The following KIRREL3 variants were observed in gnomAD, a reference collection of about 807,000 sequenced individuals.
KIRREL3 encodes kirre like nephrin family adhesion molecule 3.
In KIRREL3, 36 loss-of-function variants were observed where a neutral mutation model predicts 89.7. The ratio of observed to expected loss-of-function variants is 0.40; its 90% confidence interval spans 0.31 to 0.53. The LOEUF is 0.53. Among genes scored for constraint, KIRREL3 ranks in the 20% least tolerant of loss-of-function variants. The pLI is 0.49. For synonymous variants in KIRREL3, 445 were observed against 441.4 expected (o/e 1.01, Z -0.10); for missense variants, 864 against 1,056.6 (o/e 0.82, Z 2.53).
rs895826129 is a variant in KIRREL3 at position 126,969,204 on chromosome 11, C to T, written c.55+31251G>A. ...CTGGGGCAAAAGAGTCCGTAGATAC[C>T]GCAGTCAAGGGGCGATTCACTCCAT... On this transcript the variant is annotated intron_variant, in intron 1 of 16. Transcript: ENST00000525144. This position sits in a 1 kb window ranked among gnomAD's most constrained non-coding sequence, Gnocchi z 4.9. Among the ~76,000 whole-genome samples the T allele has an allele frequency of 1.3e-5, 2 of 152,072 alleles. No homozygotes were observed. The highest frequency in any genetic ancestry group is 2.9e-5 in the Non-Finnish European group (2 of 68,008).
At position 126,676,062 on chromosome 11, in the gene KIRREL3, A is replaced by G. The variant is rs1946174632; in HGVS notation, c.56-113150T>C. On this transcript the variant is annotated intron_variant, in intron 1 of 16. Transcript: ENST00000525144. The surrounding 1 kb of genome is among the most constrained non-coding windows in gnomAD (Gnocchi z 4.5). ...GTAGGAGGGAGAAGTTTGAGAAAGG[A>G]AGAGGATGCCAGGTCCAGTTTGGGA... is the stretch of plus-strand genomic sequence containing the variant. Among the ~76,000 whole-genome samples the G allele has an allele frequency of 6.6e-6, 1 of 152,146 alleles. No homozygotes were observed. Among genetic ancestry groups the G allele is most frequent in the South Asian group, 2.1e-4 (1 of 4,816 alleles).
At position 126,454,130 on chromosome 11, in the gene KIRREL3, G is replaced by A. The variant is rs556418164; in HGVS notation, c.848+2219C>T. On this transcript the variant is annotated intron_variant, in intron 7 of 16. Coordinates refer to ENST00000525144, the MANE Select transcript of KIRREL3 (RefSeq NM_032531.4). This position sits in a 1 kb window ranked among gnomAD's most constrained non-coding sequence, Gnocchi z 5.8. The stretch of plus-strand genomic sequence containing the variant: ...ACCAGCTGTTAACATTTTCTCACGC[G>A]TGCTTTGCGGAGACCTCTCCTCTCC... Among the ~76,000 whole-genome samples, 120 of 152,152 alleles carry A rather than the reference G, an allele frequency of 7.9e-4. No individual in the cohort carries two copies. Among genetic ancestry groups the A allele is most frequent in the African/African-American group, 2.6e-3 (110 of 41,548 alleles).
chr11:126,979,636 C>T (rs1159090784), intron 1 of KIRREL3, among the ~76,000 whole-genome samples: 1 of 152,160 alleles, frequency 6.6e-6, no homozygotes, highest in Non-Finnish European at 1.5e-5. Context: ...GAGAGATGAC[C>T]TGGGGAAAAT....
Position 126,645,159 on chromosome 11 carries a change from G to C in KIRREL3, c.56-82247C>G, listed in dbSNP as rs1322020341. On this transcript the variant is annotated intron_variant, in intron 1 of 16. Coordinates refer to ENST00000525144, the MANE Select transcript of KIRREL3 (RefSeq NM_032531.4). The surrounding 1 kb of genome is among the most constrained non-coding windows in gnomAD (Gnocchi z 4.9). ...CTGGGCGTTATGAAGGAAAAAGCTG[G>C]AGGAAGATAGAGTGGGACCAGAAAG... Among the ~76,000 whole-genome samples the C allele has an allele frequency of 6.6e-6, 1 of 152,224 alleles. No homozygotes were observed. The highest frequency in any genetic ancestry group is 1.5e-5 in the Non-Finnish European group (1 of 68,040).
Position 126,477,536 on chromosome 11 carries a change from C to T in KIRREL3, c.434-4070G>A, listed in dbSNP as rs778718645. On this transcript the variant is annotated intron_variant, in intron 4 of 16. Coordinates refer to ENST00000525144, the MANE Select transcript of KIRREL3 (RefSeq NM_032531.4). The surrounding 1 kb of genome is among the most constrained non-coding windows in gnomAD (Gnocchi z 4.8). ...AGGGTGAGGGTGGGCTTGGGACGCA[C>T]ATCCTGGCTGTAACTGGAGAGGTAA... is the stretch of plus-strand genomic sequence containing the variant. Among the ~76,000 whole-genome samples, 44 of 152,350 alleles carry T rather than the reference C, an allele frequency of 2.9e-4. No homozygotes were observed. Among genetic ancestry groups the T allele is most frequent in the Admixed American group, 5.2e-4 (8 of 15,300 alleles).
Position 126,719,998 on chromosome 11 carries a change from C to A in KIRREL3, c.56-157086G>T, listed in dbSNP as rs575246836. ...GCCTCTGATTTCAGCTCCTACTCAT[C>A]CCCCTTTGACTCATCTGCTTCAGCT... On this transcript the variant is annotated intron_variant, in intron 1 of 16. Coordinates refer to ENST00000525144, the MANE Select transcript of KIRREL3 (RefSeq NM_032531.4). The surrounding 1 kb of genome is among the most constrained non-coding windows in gnomAD (Gnocchi z 4.7). Among the ~76,000 whole-genome samples the A allele has an allele frequency of 2.0e-5, 3 of 152,204 alleles. No individual in the cohort carries two copies. Among genetic ancestry groups the A allele is most frequent in the Non-Finnish European group, 2.9e-5 (2 of 68,044 alleles).
In KIRREL3 at chr11:126,872,680, C is replaced by A. The variant is rs775896589; in HGVS notation, c.55+127775G>T. ...TTTCTCTGTCTCCCTCCTATCCCAC[C>A]CCATCCTGGGCTTGTTTTCATCTTT... On this transcript the variant is annotated intron_variant, in intron 1 of 16. Transcript: ENST00000525144. This position sits in a 1 kb window ranked among gnomAD's most constrained non-coding sequence, Gnocchi z 4.2. 1.3e-5 allele frequency among the ~76,000 whole-genome samples: 2 copies of A among 152,172 alleles called. No homozygotes were observed. The highest frequency in any genetic ancestry group is 2.4e-5 in the African/African-American group (1 of 41,434).
chr11:126,528,917 C>T lies in KIRREL3; in HGVS notation c.134-2230G>A, dbSNP rs1958851993. 6.6e-6 allele frequency among the ~76,000 whole-genome samples: 1 copy of T among 152,098 alleles called. No individual in the cohort carries two copies. Among genetic ancestry groups the T allele is most frequent in the African/African-American group, 2.4e-5 (1 of 41,402 alleles). On this transcript the variant is annotated intron_variant, in intron 2 of 16. Coordinates refer to ENST00000525144, the MANE Select transcript of KIRREL3 (RefSeq NM_032531.4). This position sits in a 1 kb window ranked among gnomAD's most constrained non-coding sequence, Gnocchi z 4.6. ...TCCTTTTACTCTAATGATGATTTCACAGCTCATCCTTTTATCTCAAAATCT... is the reference window on the plus strand; with the variant it reads ...TCCTTTTACTCTAATGATGATTTCATAGCTCATCCTTTTATCTCAAAATCT...
rs1472194769 is a variant in KIRREL3 at position 126,763,471 on chromosome 11, G to C, written c.56-200559C>G. 6.6e-6 allele frequency among the ~76,000 whole-genome samples: 1 copy of C among 152,136 alleles called. No homozygotes were observed. The highest frequency in any genetic ancestry group is 2.4e-5 in the African/African-American group (1 of 41,420). On this transcript the variant is annotated intron_variant, in intron 1 of 16. Coordinates refer to ENST00000525144, the MANE Select transcript of KIRREL3 (RefSeq NM_032531.4). This position sits in a 1 kb window ranked among gnomAD's most constrained non-coding sequence, Gnocchi z 4.7. Reference sequence around the variant, plus strand: ...CAGTGGGTGGGAGGTGTTAAAAAGGGGACTGATGGTGGGGTCCTTCTTTTG... The same window carrying C: ...CAGTGGGTGGGAGGTGTTAAAAAGGCGACTGATGGTGGGGTCCTTCTTTTG...
In KIRREL3 at chr11:126,558,071, C is replaced by T. The variant is rs1474988379; in HGVS notation, c.133+4764G>A. On this transcript the variant is annotated intron_variant, in intron 2 of 16. Coordinates refer to ENST00000525144, the MANE Select transcript of KIRREL3 (RefSeq NM_032531.4). This position sits in a 1 kb window ranked among gnomAD's most constrained non-coding sequence, Gnocchi z 4.0. ...TGCAATGCTGAAAGTCCACGGAAAC[C>T]GACACCCACCCTGATGGGCAGCCCA... Among the ~76,000 whole-genome samples the T allele has an allele frequency of 6.6e-6, 1 of 152,216 alleles. No homozygotes were observed. The highest frequency in any genetic ancestry group is 1.5e-5 in the Non-Finnish European group (1 of 68,038).
intron 1 of KIRREL3, among the ~76,000 whole-genome samples, chr11:126,767,722 G>A (rs1949873291): frequency 1.3e-5 from 2 of 152,134 alleles, no homozygotes; most frequent in South Asian, 2.1e-4. Flanking sequence ...GAGAATGTAC[G>A]TATGTTCAGC....
intron 1 of KIRREL3, among the ~76,000 whole-genome samples, chr11:126,577,982 T>A (rs1941348911): frequency 6.6e-6 from 1 of 152,164 alleles, no homozygotes; most frequent in Non-Finnish European, 1.5e-5. Context: ...TTCCCTTGGA[T>A]CGTTCTAAAG....
chr11:126,780,466 G>A lies in KIRREL3; in HGVS notation c.56-217554C>T, dbSNP rs1296571343. 6.6e-6 allele frequency among the ~76,000 whole-genome samples: 1 copy of A among 152,200 alleles called. No homozygotes were observed. The highest frequency in any genetic ancestry group is 2.4e-5 in the African/African-American group (1 of 41,440). ...ACTTACCTGATGTGGAACATATGCT[G>A]GGATCAGAATGACAGAGAATAAATC... On this transcript the variant is annotated intron_variant, in intron 1 of 16. Coordinates refer to ENST00000525144, the MANE Select transcript of KIRREL3 (RefSeq NM_032531.4). The surrounding 1 kb of genome is among the most constrained non-coding windows in gnomAD (Gnocchi z 5.3).
At chr11:126,464,276 G>A (rs1416492466) in intron 5 of KIRREL3, among the ~76,000 whole-genome samples, 1 of 151,028 alleles carries the variant, frequency 6.6e-6, no homozygotes, top group Non-Finnish European at 1.5e-5. Context: ...GGGAGGCTGA[G>A]GTGGGAGGAT....
intron 1 of KIRREL3, among the ~76,000 whole-genome samples, chr11:126,785,434 C>T (rs1950457213): frequency 6.6e-6 from 1 of 152,162 alleles, no homozygotes; most frequent in Non-Finnish European, 1.5e-5. Context: ...CCATCACATG[C>T]CCTGTGATAT....
Position 126,640,173 on chromosome 11 carries a change from C to G in KIRREL3, c.56-77261G>C, listed in dbSNP as rs1175202611. ...AGAAGCTCTATGATTTTCTGTCTAT[C>G]TCACTCACCCTTCAGCTGGTGAGTG... is the stretch of plus-strand genomic sequence containing the variant. On this transcript the variant is annotated intron_variant, in intron 1 of 16. Coordinates refer to ENST00000525144, the MANE Select transcript of KIRREL3 (RefSeq NM_032531.4). The surrounding 1 kb of genome is among the most constrained non-coding windows in gnomAD (Gnocchi z 4.9). Among the ~76,000 whole-genome samples the G allele has an allele frequency of 6.6e-6, 1 of 152,122 alleles. No individual in the cohort carries two copies. The highest frequency in any genetic ancestry group is 1.9e-4 in the East Asian group (1 of 5,190).
At position 126,456,441 on chromosome 11, in the gene KIRREL3, G is replaced by A. The variant is rs375296637; in HGVS notation, c.756C>T (p.Val252=). The change falls in exon 7 of 17, where the codon GTC becomes GTT. Residue 252 remains valine, a synonymous_variant. Coordinates refer to ENST00000525144, the MANE Select transcript of KIRREL3 (RefSeq NM_032531.4). ...CTGGCTGTGGCTCCACCGAGAGGTTGACCAGTGGAGGGTCTGCAGGGAGAG... is the reference window on the plus strand; with the variant it reads ...CTGGCTGTGGCTCCACCGAGAGGTTAACCAGTGGAGGGTCTGCAGGGAGAG... ...VTIDIQHPPL[V]NLSVEPQPVL... The A allele has an allele frequency of 7.6e-6, 12 of 1,580,900 alleles. No homozygotes were observed. The African/African-American group carries it at 1.2e-4, about 16-fold the overall frequency.
chr11:126,465,279 C>A (rs531305714), intron 5 of KIRREL3, among the ~76,000 whole-genome samples: 2 of 152,272 alleles, frequency 1.3e-5, no homozygotes, highest in Middle Eastern at 3.4e-3. Context: ...CTTATGAGGG[C>A]CCCGGAAGAC....
At chr11:126,775,848 T>G (rs114509588) in intron 1 of KIRREL3, among the ~76,000 whole-genome samples, 2,718 of 152,292 alleles carry the variant, frequency 0.018, 84 homozygotes, top group African/African-American at 0.062. Context: ...AATCCAAGCA[T>G]GGGCTCTTCC....
Sources: gnomAD v4.1 joint callset for allele counts (sites outside exome capture counted in the v4.1 genomes callset) on GRCh38, gnomAD v4.1.1 for gene constraint, Gnocchi (gnomAD v3.1) non-coding constraint, MANE v1.5 for transcripts, NCBI Gene and HGNC (gene_info 2026-07-23, HGNC 2026-07-21) for gene names.